Variants in FAM193A observed in about 807,000 individuals in gnomAD.
FAM193A encodes the protein protein FAM193A.
Under a neutral mutation model 126.5 loss-of-function variants are expected in FAM193A, and 22 were observed. The observed-to-expected ratio is 0.17, with a 90% CI of 0.12 to 0.25. The LOEUF (loss-of-function observed/expected upper bound fraction) is 0.25. FAM193A is among the 10% of genes least tolerant of loss of function. The probability of loss-of-function intolerance (pLI) is 1.00; values close to 1 mark genes in which losing one functional copy is unlikely to be tolerated. For synonymous variants in FAM193A, 761 were observed against 646.8 expected, an observed-to-expected ratio of 1.18 and a Z score of -2.68; for missense variants, 1,675 against 1,672.8, an observed-to-expected ratio of 1.00 and a Z score of -0.02.
At chr4:2,567,710 C>G (rs1739050833) in intron 1 of FAM193A, among the ~76,000 whole-genome samples, 1 of 152,148 alleles carries the variant, frequency 6.6e-6, no homozygotes, top group Non-Finnish European at 1.5e-5. Flanking sequence ...GTAGGAGTTA[C>G]AGGGTGATCT....
intron 5 of FAM193A, among the ~76,000 whole-genome samples, chr4:2,636,000 A>ATTTTTTT (rs796940676): frequency 2.0e-4 from 29 of 144,986 alleles, no homozygotes; most frequent in African/African-American, 6.8e-4. Flanking sequence ...AAAAGGACGA[A>ATTTTTTT]TTTTTTTTTT....
chr4:2,582,029 T>G (rs1437323932), intron 1 of FAM193A, among the ~76,000 whole-genome samples: 3 of 152,212 alleles, frequency 2.0e-5, no homozygotes, highest in Admixed American at 2.0e-4. Flanking sequence ...CTTTCAAGAT[T>G]TTAGAGAAAT....
chr4:2,666,552 T>C (rs942626540), intron 12 of FAM193A, among the ~76,000 whole-genome samples: 6 of 152,240 alleles, frequency 3.9e-5, no homozygotes, highest in Non-Finnish European at 5.9e-5. Flanking sequence ...AAATGTTTTT[T>C]TCACTTATGT....
At position 2,646,908 on chromosome 4, in the gene FAM193A, G is replaced by A. The variant is rs1319937107; in HGVS notation, c.1311+76G>A. On this transcript the variant is annotated intron_variant, in intron 7 of 20. Coordinates refer to ENST00000637812, the MANE Select transcript of FAM193A (RefSeq NM_001366318.2). The stretch of plus-strand genomic sequence containing the variant: ...TGTTGAAGGCAGCACCAAGTCACTA[G>A]CTTTGTCCTGAGCTGCAAGCCAGGA... 9 of 1,455,120 alleles carry A rather than the reference G, an allele frequency of 6.2e-6. No individual in the cohort carries two copies. In the Admixed American group the frequency reaches 2.1e-4, roughly 33 times the overall value. The allele number at this position is 1,455,120 out of a possible 1,614,324, so 90.1% of individuals were successfully genotyped here.
At chr4:2,672,483 G>C in intron 13 of FAM193A, 111 bp downstream of exon 13, 1 of 1,176,620 alleles carries the variant, frequency 8.5e-7, no homozygotes, top group South Asian at 1.4e-5. Context: ...GATAGCATCT[G>C]CTCTGGATAG....
intron 19 of FAM193A, among the ~76,000 whole-genome samples, chr4:2,703,799 A>T: frequency 9.9e-6 from 1 of 101,344 alleles, no homozygotes. Flanking sequence ...CCCCATCTCT[A>T]CTAAAAAAAA....
At position 2,693,720 on chromosome 4, in the gene FAM193A, G is replaced by A. The variant is rs771345101; in HGVS notation, c.2938G>A (p.Ala980Thr). ...GCTGTCACCTGCTGCGCTCTCACCTGCCTCCACACCTCACCTTGCAAATCT... is the reference window on the plus strand; with the variant it reads ...GCTGTCACCTGCTGCGCTCTCACCTACCTCCACACCTCACCTTGCAAATCT... The part of the protein sequence containing the change: ...AALSPAALSP[A>T]STPHLANLAA... The change falls in exon 16 of 21, where the codon GCC becomes ACC. Residue 980 changes from alanine to threonine, a missense_variant. Transcript: ENST00000637812. 1.2e-6 allele frequency: 2 copies of A among 1,614,170 alleles called. No homozygotes were observed. Among genetic ancestry groups the A allele is most frequent in the South Asian group, 2.2e-5 (2 of 91,090 alleles).
chr4:2,691,848 T>C (rs1716422913), intron 15 of FAM193A, among the ~76,000 whole-genome samples: 1 of 150,958 alleles, frequency 6.6e-6, no homozygotes, highest in African/African-American at 2.4e-5. Flanking sequence ...TCCATAAGGA[T>C]TGGGATGCTC....
intron 1 of FAM193A, among the ~76,000 whole-genome samples, chr4:2,540,010 C>T (rs1230347219): frequency 6.6e-6 from 1 of 151,540 alleles, no homozygotes; most frequent in African/African-American, 2.4e-5. Flanking sequence ...CCCAGCTACT[C>T]GGGAGACTGA....
At chr4:2,686,186 C>G (rs1365187361) in intron 13 of FAM193A, among the ~76,000 whole-genome samples, 1 of 152,132 alleles carries the variant, frequency 6.6e-6, no homozygotes. Context: ...GTTACTGATC[C>G]CTGTTACTTT....
chr4:2,548,156 C>G (rs1433448416), intron 1 of FAM193A, among the ~76,000 whole-genome samples: 1 of 149,806 alleles, frequency 6.7e-6, no homozygotes, highest in East Asian at 2.0e-4. Context: ...ACTGCTACCT[C>G]TGCCTCCTGG....
intron 20 of FAM193A, among the ~76,000 whole-genome samples, chr4:2,723,492 T>C (rs1041593141): frequency 2.7e-5 from 4 of 150,910 alleles, no homozygotes; most frequent in African/African-American, 9.8e-5. Flanking sequence ...GAGATTTGCT[T>C]GAACCCAGGA....
intron 19 of FAM193A, among the ~76,000 whole-genome samples, chr4:2,703,378 C>T (rs1198801219): frequency 6.6e-6 from 1 of 152,140 alleles, no homozygotes; most frequent in African/African-American, 2.4e-5. Context: ...TCCCAAGTAG[C>T]TGAAATTACA....
intron 7 of FAM193A, among the ~76,000 whole-genome samples, chr4:2,653,884 G>A (rs1289390484): frequency 3.3e-5 from 5 of 152,302 alleles, no homozygotes; most frequent in African/African-American, 4.8e-5. Flanking sequence ...ATGGGTGGGA[G>A]GTTGTGGGGA....
At chr4:2,731,577 G>T (rs947294772) in intron 20 of FAM193A, among the ~76,000 whole-genome samples, 198 bp from the exon 21 acceptor site, 3 of 151,506 alleles carry the variant, frequency 2.0e-5, no homozygotes, top group Non-Finnish European at 4.4e-5. Flanking sequence ...TCCTCCTCCC[G>T]AGTCCTTTCC....
intron 13 of FAM193A, among the ~76,000 whole-genome samples, chr4:2,688,603 C>G (rs973309934): frequency 6.6e-6 from 1 of 152,154 alleles, no homozygotes; most frequent in African/African-American, 2.4e-5. Flanking sequence ...CTTTGCAGGC[C>G]AGAGCCTTGG....
chr4:2,542,556 C>T (rs1328160137), intron 1 of FAM193A, among the ~76,000 whole-genome samples: 2 of 152,214 alleles, frequency 1.3e-5, no homozygotes, highest in African/African-American at 4.8e-5. Context: ...ATTCTTGACA[C>T]AGATCACAGA....
rs1047469655 is a variant in FAM193A, at chr4:2,596,077, A to G, written c.256-7A>G. ...TTTGAAAATAGAATTTTTTTTTTCT[A>G]TTCCAGACTCCTTTTAGTTTTGGCA... On this transcript the variant is annotated splice_region_variant and splice_polypyrimidine_tract_variant and intron_variant, in intron 1 of 20. Transcript: ENST00000637812. 4 of 681,456 alleles carry G rather than the reference A, an allele frequency of 5.9e-6. No homozygotes were observed. The highest frequency in any genetic ancestry group is 5.4e-5 in the African/African-American group (3 of 55,718). 42.2% of individuals were successfully genotyped at this position (681,456 alleles called of 1,614,324 possible).
intron 19 of FAM193A, among the ~76,000 whole-genome samples, chr4:2,712,938 A>C (rs1030993295): frequency 6.6e-5 from 10 of 151,918 alleles, no homozygotes; most frequent in African/African-American, 2.2e-4. Flanking sequence ...CCCCATCTCT[A>C]CTAAAAAATA....
Sources: gnomAD v4.1 joint callset for allele counts (sites outside exome capture counted in the v4.1 genomes callset) on GRCh38, gnomAD v4.1.1 for gene constraint, MANE v1.5 for transcripts, NCBI Gene and HGNC (gene_info 2026-07-23, HGNC 2026-07-21) for gene names.